The following SMARCA4 variants were observed in gnomAD, a reference collection of about 807,000 sequenced individuals.
SMARCA4 encodes SWI/SNF related BAF chromatin remodeling complex subunit ATPase 4, also known as SWI/SNF-related matrix-associated actin-dependent regulator of chromatin subfamily A member 4.
A neutral mutation model predicts 193.9 loss-of-function variants in SMARCA4; 31 were observed. The observed-to-expected ratio is 0.16, with a 90% confidence interval of 0.12 to 0.22. The LOEUF (loss-of-function observed/expected upper bound fraction) is 0.22. Ranked by LOEUF, SMARCA4 falls within the 10% of genes least tolerant of loss-of-function variation. SMARCA4 has a pLI of 1.00. For missense variants in SMARCA4, 1,148 were observed against 2,296.0 expected (o/e 0.50, Z 10.22); for synonymous variants, 942 against 933.1 (o/e 1.01, Z -0.17).
intron 14 of SMARCA4, 127 bp from the exon 15 acceptor site, chr19:11,010,254 T>G (rs1360509214): frequency 3.8e-6 from 4 of 1,063,958 alleles, no homozygotes; most frequent in South Asian, 1.3e-5. Flanking sequence ...CACCTCTATG[T>G]GTCTTACAGT....
At chr19:10,980,363 G>C (rs2085461590) in intron 1 of SMARCA4, among the ~76,000 whole-genome samples, 1 of 152,176 alleles carries the variant, frequency 6.6e-6, no homozygotes, top group African/African-American at 2.4e-5. Context: ...AGCATCTTCA[G>C]TGTACTCTGT....
intron 30 of SMARCA4, among the ~76,000 whole-genome samples, chr19:11,048,469 T>C (rs984613714): frequency 6.6e-6 from 1 of 152,226 alleles, no homozygotes; most frequent in African/African-American, 2.4e-5. Context: ...GAGTTAAATG[T>C]GAAGCCTGAA....
intron 29 of SMARCA4, chr19:11,039,772 G>A (rs1158539459): frequency 2.8e-6 from 1 of 357,114 alleles, no homozygotes; most frequent in African/African-American, 2.1e-5. Flanking sequence ...AATGTAGCAA[G>A]ACCACATGTC....
intron 34 of SMARCA4, among the ~76,000 whole-genome samples, chr19:11,061,528 A>G (rs1453676849): frequency 1.3e-5 from 2 of 152,018 alleles, no homozygotes; most frequent in East Asian, 3.9e-4. Context: ...GGCGCCCGCC[A>G]CCACGCCCGG....
chr19:11,052,177 A>G (rs549348953), intron 30 of SMARCA4, among the ~76,000 whole-genome samples: 3 of 152,300 alleles, frequency 2.0e-5, no homozygotes, highest in African/African-American at 7.2e-5. Flanking sequence ...AAGGAAGTAA[A>G]AAAGAAATAA....
In SMARCA4 at chr19:10,999,001, G is replaced by A. The variant is rs113674757; in HGVS notation, c.1812+2457G>A. Among the ~76,000 whole-genome samples, 550 of 151,520 alleles carry A rather than the reference G, an allele frequency of 3.6e-3. 7 individuals are homozygous for A. The highest frequency in any genetic ancestry group is 0.012 in the African/African-American group (512 of 41,300). On this transcript the variant is annotated intron_variant, in intron 11 of 34. Transcript: ENST00000344626. ...CCCTGTAGTCTCAACCTCCTGGACTGAAGCGATCCTCCCACCTCAGCCTCC... is the reference window on the plus strand; with the variant it reads ...CCCTGTAGTCTCAACCTCCTGGACTAAAGCGATCCTCCCACCTCAGCCTCC...
chr19:11,028,190 C>T (rs980555072), intron 24 of SMARCA4, among the ~76,000 whole-genome samples: 7 of 152,178 alleles, frequency 4.6e-5, no homozygotes, highest in African/African-American at 1.2e-4. Context: ...CAATGCTGGG[C>T]GCACTGGGGA....
intron 1 of SMARCA4, among the ~76,000 whole-genome samples, chr19:10,981,201 T>A (rs183012493): frequency 6.6e-6 from 1 of 152,342 alleles, no homozygotes; most frequent in Non-Finnish European, 1.5e-5. Flanking sequence ...CTGAGAAGAC[T>A]GTGGGGACAG....
chr19:11,053,287 C>T (rs2076361658), intron 30 of SMARCA4, among the ~76,000 whole-genome samples: 1 of 152,040 alleles, frequency 6.6e-6, no homozygotes, highest in Admixed American at 6.6e-5. Context: ...AGTTCCAGAC[C>T]AGCCTGGCCA....
At chr19:10,975,860 G>A (rs1452516619) in intron 1 of SMARCA4, among the ~76,000 whole-genome samples, 1 of 152,168 alleles carries the variant, frequency 6.6e-6, no homozygotes, top group Non-Finnish European at 1.5e-5. Context: ...GGATTCCCAG[G>A]CTCTGTTTTC....
Position 11,041,392 on chromosome 19 carries a change from C to T in SMARCA4, c.4256C>T (p.Ala1419Val), listed in dbSNP as rs1413620647. 1 of 1,612,588 alleles carries T rather than the reference C, an allele frequency of 6.2e-7. No homozygotes were observed. The highest frequency in any genetic ancestry group is 8.5e-7 in the Non-Finnish European group (1 of 1,179,974). ...SSRKRKRDSDAGSSTPTTSTR... is the reference protein window; with the variant it reads ...SSRKRKRDSDVGSSTPTTSTR... ...CGGAAGCGCAAGCGAGACAGCGACG[C>T]CGGCTCCTCCACCCCGACCACCAGC... is the stretch of plus-strand genomic sequence containing the variant. The change falls in exon 30 of 35, where the codon GCC (alanine) becomes GTC (valine). Residue 1419 changes from alanine to valine, a missense_variant. Ala to Val is a moderately conservative substitution (Grantham distance 64, BLOSUM62 0). Transcript: ENST00000344626. The surrounding 1 kb of genome is among the most constrained non-coding windows in gnomAD (Gnocchi z 5.6).
chr19:10,981,268 A>G (rs2085530718), intron 1 of SMARCA4, among the ~76,000 whole-genome samples: 1 of 152,208 alleles, frequency 6.6e-6, no homozygotes, highest in Non-Finnish European at 1.5e-5. Flanking sequence ...GGCCGTGCCC[A>G]CGTTGCTGGG....
chr19:10,975,794 T>C (rs577670576), intron 1 of SMARCA4, among the ~76,000 whole-genome samples: 9 of 152,346 alleles, frequency 5.9e-5, no homozygotes, highest in African/African-American at 2.2e-4. Flanking sequence ...TCTTAGCTTT[T>C]AGATTCTTGT....
At chr19:11,008,085 T>G (rs2088418781) in intron 14 of SMARCA4, 62 bp downstream of exon 14, 1 of 1,566,516 alleles carries the variant, frequency 6.4e-7, no homozygotes, top group African/African-American at 1.4e-5. Context: ...CTGGTGGGAG[T>G]GGCTAGAATC....
At chr19:11,036,017 C>T (rs1416188246) in intron 29 of SMARCA4, among the ~76,000 whole-genome samples, 1 of 152,248 alleles carries the variant, frequency 6.6e-6, no homozygotes, top group African/African-American at 2.4e-5. Flanking sequence ...GCCATGTGGC[C>T]TAGCCCATGT....
chr19:11,035,464 G>A (rs957047744), intron 29 of SMARCA4, among the ~76,000 whole-genome samples: 1 of 152,236 alleles, frequency 6.6e-6, no homozygotes, highest in Admixed American at 6.5e-5. Flanking sequence ...GGCTTTCCCA[G>A]TACCTGCCAG....
In SMARCA4 at chr19:11,030,340, CTG is replaced by C. The variant is rs1339164894; in HGVS notation, c.3383-386_3383-385del. Among the ~76,000 whole-genome samples the C allele has an allele frequency of 6.6e-6, 1 of 152,212 alleles. No individual in the cohort carries two copies. Among genetic ancestry groups the C allele is most frequent in the Non-Finnish European group, 1.5e-5 (1 of 68,034 alleles). On this transcript the variant is annotated intron_variant, in intron 24 of 34. Coordinates refer to ENST00000344626, the MANE Select transcript of SMARCA4 (RefSeq NM_003072.5). This position sits in a 1 kb window ranked among gnomAD's most constrained non-coding sequence, Gnocchi z 5.5. ...GCGGCGGTGTTGCCGGCATTGGCCG[CTG>C]TGTCTTCCGCTCCCCATGGAATGGC...
chr19:10,971,463 A>G (rs1012143847), intron 1 of SMARCA4, among the ~76,000 whole-genome samples: 4 of 149,554 alleles, frequency 2.7e-5, no homozygotes, highest in African/African-American at 9.8e-5. Context: ...GATTTATAGC[A>G]CTTCCACCCT....
intron 30 of SMARCA4, among the ~76,000 whole-genome samples, chr19:11,045,346 C>T (rs958694583): frequency 6.6e-6 from 1 of 151,992 alleles, no homozygotes; most frequent in African/African-American, 2.4e-5. Flanking sequence ...CTACTGTGTG[C>T]CTCCAGTTCT....
Sources: gnomAD v4.1 joint callset for allele counts (sites outside exome capture counted in the v4.1 genomes callset) on GRCh38, gnomAD v4.1.1 for gene constraint, Gnocchi (gnomAD v3.1) non-coding constraint, MANE v1.5 for transcripts, NCBI Gene and HGNC (gene_info 2026-07-23, HGNC 2026-07-21) for gene names.